Variants in ADAMTSL1 observed in about 807,000 individuals in gnomAD.
The protein encoded by ADAMTSL1 is ADAMTS like 1, also known as ADAMTS-like protein 1.
A neutral mutation model predicts 201.8 loss-of-function variants in ADAMTSL1; 126 were observed. That is an observed-to-expected ratio of 0.62 (90% CI 0.54 to 0.72). ADAMTSL1 has a LOEUF of 0.72. Ranked by LOEUF, ADAMTSL1 falls within the 30% of genes least tolerant of loss-of-function variation. The probability of loss-of-function intolerance (pLI) is 0.00; values close to 1 mark genes in which losing one functional copy is unlikely to be tolerated. For synonymous variants in ADAMTSL1, 1,121 were observed against 903.4 expected (o/e 1.24, Z -4.32); for missense variants, 2,679 against 2,277.8 (o/e 1.18, Z -3.59).
At chr9:17,920,472 T>G (rs1001309694) in intron 1 of ADAMTSL1, among the ~76,000 whole-genome samples, 1 of 152,224 alleles carries the variant, frequency 6.6e-6, no homozygotes, top group African/African-American at 2.4e-5. Context: ...GTTATTCTAC[T>G]CTCACACTTG....
At chr9:18,727,189 T>C (rs1817944279) in intron 15 of ADAMTSL1, among the ~76,000 whole-genome samples, 2 of 152,252 alleles carry the variant, frequency 1.3e-5, no homozygotes, top group African/African-American at 4.8e-5. Flanking sequence ...TTTTAATTTA[T>C]TTGATGGAGC....
intron 7 of ADAMTSL1, among the ~76,000 whole-genome samples, chr9:18,642,260 A>G (rs536522198): frequency 1.3e-5 from 2 of 151,114 alleles, no homozygotes; most frequent in East Asian, 3.9e-4. Flanking sequence ...CATTGTCTTA[A>G]AACAGTGTAA....
intron 25 of ADAMTSL1, among the ~76,000 whole-genome samples, chr9:18,891,252 T>C (rs1239505093): frequency 1.3e-5 from 2 of 152,126 alleles, no homozygotes; most frequent in African/African-American, 2.4e-5. Context: ...TATCCTTCTT[T>C]GCATGTGAAC....
At chr9:18,622,540 T>C in intron 5 of ADAMTSL1, 171 bp downstream of exon 5, 4 of 984,738 alleles carry the variant, frequency 4.1e-6, no homozygotes, top group Non-Finnish European at 5.9e-6. Context: ...GTGGGACAAG[T>C]CAGGTTACCA....
chr9:18,540,726 T>C (rs1820079591), intron 3 of ADAMTSL1, among the ~76,000 whole-genome samples: 1 of 152,198 alleles, frequency 6.6e-6, no homozygotes. Flanking sequence ...TGTGCATTTC[T>C]CTTCTCCCAG....
intron 1 of ADAMTSL1, among the ~76,000 whole-genome samples, chr9:17,908,759 A>T (rs184653770): frequency 6.8e-4 from 104 of 152,342 alleles, no homozygotes; most frequent in African/African-American, 2.4e-3. Context: ...CTCCCGGCCA[A>T]TGTGACTTGT....
intron 2 of ADAMTSL1, among the ~76,000 whole-genome samples, chr9:18,180,818 G>T (rs143092731): frequency 0.1 from 15,609 of 152,104 alleles, 1,036 homozygotes; most frequent in South Asian, 0.22. Flanking sequence ...ACAAGAGCCC[G>T]CATCGCCAAG....
intron 2 of ADAMTSL1, among the ~76,000 whole-genome samples, chr9:18,276,081 A>T (rs1421291731): frequency 6.6e-6 from 1 of 152,040 alleles, no homozygotes; most frequent in East Asian, 1.9e-4. Context: ...AAAAGTCTTT[A>T]GTTATCCCAG....
chr9:18,202,895 C>T lies in ADAMTSL1; in HGVS notation c.207+38914C>T, dbSNP rs1829507302. On this transcript the variant is annotated intron_variant, in intron 2 of 29. Coordinates refer to the ADAMTSL1 transcript ENST00000680146. ...GTCAGATGACCTCAAGAGCTCTTTC[C>T]AGAGTGCTCTTTCCAGAGCTAACTA... 2.0e-5 allele frequency among the ~76,000 whole-genome samples: 3 copies of T among 152,122 alleles called. 1 individual carries two copies. In the South Asian group the frequency reaches 6.2e-4, roughly 32 times the overall value.
chr9:18,030,294 A>G (rs1440029566), intron 1 of ADAMTSL1, among the ~76,000 whole-genome samples: 1 of 152,160 alleles, frequency 6.6e-6, no homozygotes, highest in Non-Finnish European at 1.5e-5. Flanking sequence ...AACTATCGCA[A>G]GGACAAAAAA....
chr9:18,639,811 C>A (rs1028827351), intron 7 of ADAMTSL1, among the ~76,000 whole-genome samples: 4 of 152,048 alleles, frequency 2.6e-5, no homozygotes, highest in South Asian at 2.1e-4. Context: ...GATCATTCTT[C>A]CAATGGCAAG....
At chr9:18,341,367 T>C (rs1835457595) in intron 2 of ADAMTSL1, among the ~76,000 whole-genome samples, 1 of 152,190 alleles carries the variant, frequency 6.6e-6, no homozygotes, top group Non-Finnish European at 1.5e-5. Flanking sequence ...TTCTTCATTA[T>C]ACCCTTTATC....
intron 1 of ADAMTSL1, among the ~76,000 whole-genome samples, chr9:18,064,131 G>T (rs1822588091): frequency 6.6e-6 from 1 of 152,166 alleles, no homozygotes; most frequent in Non-Finnish European, 1.5e-5. Flanking sequence ...GCAAATTGTA[G>T]ATCTGGGAAG....
intron 1 of ADAMTSL1, among the ~76,000 whole-genome samples, chr9:17,926,758 T>G (rs4477123): frequency 1.3e-5 from 2 of 152,114 alleles, no homozygotes; most frequent in East Asian, 3.9e-4. Flanking sequence ...TTTCCAAGCT[T>G]TCAGATTTCC....
At chr9:18,612,128 G>A (rs755687972) in intron 4 of ADAMTSL1, among the ~76,000 whole-genome samples, 2 of 152,206 alleles carry the variant, frequency 1.3e-5, no homozygotes, top group African/African-American at 2.4e-5. Context: ...GAAGTCAGAG[G>A]GAGGTACACT....
At chr9:18,590,673 G>C (rs1823852172) in intron 4 of ADAMTSL1, among the ~76,000 whole-genome samples, 1 of 151,876 alleles carries the variant, frequency 6.6e-6, no homozygotes, top group Non-Finnish European at 1.5e-5. Flanking sequence ...GTCCATCTTA[G>C]TATCACTCTT....
chr9:18,476,080 G>C (rs1448504632), intron 1 of ADAMTSL1, among the ~76,000 whole-genome samples: 1 of 151,970 alleles, frequency 6.6e-6, no homozygotes, highest in African/African-American at 2.4e-5. Context: ...AACAAACCTA[G>C]GTTTGTTTTA....
chr9:18,899,623 A>C (rs1305362299), intron 26 of ADAMTSL1, among the ~76,000 whole-genome samples: 1 of 152,200 alleles, frequency 6.6e-6, no homozygotes, highest in Non-Finnish European at 1.5e-5. Flanking sequence ...TAGAGAACTC[A>C]GAAATAAGAT....
intron 2 of ADAMTSL1, among the ~76,000 whole-genome samples, chr9:18,169,261 C>T (rs1446146300): frequency 2.0e-5 from 3 of 150,998 alleles, no homozygotes; most frequent in African/African-American, 2.4e-5. Context: ...GGTTTTAGGT[C>T]TAACATTTAA....
Sources: gnomAD v4.1 joint callset for allele counts (sites outside exome capture counted in the v4.1 genomes callset) on GRCh38, gnomAD v4.1.1 for gene constraint, MANE v1.5 for transcripts, NCBI Gene and HGNC (gene_info 2026-07-23, HGNC 2026-07-21) for gene names.